The following CADPS variants were observed in gnomAD, a reference collection of about 807,000 sequenced individuals.
CADPS encodes calcium-dependent secretion activator 1.
Under a neutral mutation model 167.3 loss-of-function variants are expected in CADPS, and 57 were observed. The ratio of observed to expected loss-of-function variants is 0.34; its 90% confidence interval spans 0.28 to 0.42. The LOEUF (loss-of-function observed/expected upper bound fraction) is 0.42. Among genes scored for constraint, CADPS ranks in the 20% least tolerant of loss-of-function variants. The pLI, the probability that CADPS is intolerant of heterozygous loss-of-function variation, is 1.00. For missense variants in CADPS, 1,414 were observed against 1,738.1 expected (o/e 0.81, Z 3.32); for synonymous variants, 676 against 635.3 (o/e 1.06, Z -0.96).
intron 26 of CADPS, among the ~76,000 whole-genome samples, chr3:62,447,184 T>G (rs1267733443): frequency 6.6e-6 from 1 of 152,150 alleles, no homozygotes. Context: ...TTAGCCTTGG[T>G]TTCCAGATTT....
At chr3:62,654,462 A>G (rs1303487254) in intron 4 of CADPS, among the ~76,000 whole-genome samples, 1 of 152,170 alleles carries the variant, frequency 6.6e-6, no homozygotes, top group African/African-American at 2.4e-5. Context: ...GTTGGCTGAG[A>G]TAGGGCCACT....
chr3:62,438,730 T>TGTGTGTGA lies in CADPS; in HGVS notation c.3670-520_3670-519insTCACACAC, dbSNP rs1411632844. On this transcript the variant is annotated intron_variant, in intron 27 of 29. Transcript: ENST00000383710. This position sits in a 1 kb window ranked among gnomAD's most constrained non-coding sequence, Gnocchi z 4.7. ...CCAAGTCTCATTGTGTGTGTGTGTGTGTGTGTGTGTGTGTGTGTGTGTGTG... is the reference window on the plus strand; with the variant it reads ...CCAAGTCTCATTGTGTGTGTGTGTGTGTGTGTGAGTGTGTGTGTGTGTGTGTGTGTGTG... 1 of 153,218 alleles carries TGTGTGTGA rather than the reference T, an allele frequency of 6.5e-6. No individual in the cohort carries two copies. The highest frequency in any genetic ancestry group is 1.4e-5 in the Non-Finnish European group (1 of 69,772). The allele number at this position is 153,218 out of a possible 1,614,324, so 9.5% of individuals were successfully genotyped here.
chr3:62,552,919 C>T (rs1194435694), intron 10 of CADPS, among the ~76,000 whole-genome samples: 1 of 152,010 alleles, frequency 6.6e-6, no homozygotes, highest in Non-Finnish European at 1.5e-5. Flanking sequence ...GTGTAGTTAG[C>T]AAGCTGGGAA....
At chr3:62,500,569 G>A (rs2065589791) in intron 17 of CADPS, 2 of 152,176 alleles carry the variant, frequency 1.3e-5, no homozygotes, top group South Asian at 4.1e-4. Flanking sequence ...CTCAGAGTCA[G>A]AGCACATGGG....
Position 62,478,271 on chromosome 3 carries a change from A to T in CADPS, c.3319T>A (p.Cys1107Ser). 2 of 1,613,770 alleles carry T rather than the reference A, an allele frequency of 1.2e-6. No individual in the cohort carries two copies. Among genetic ancestry groups the T allele is most frequent in the Non-Finnish European group, 1.7e-6 (2 of 1,179,802 alleles). The change falls in exon 23 of 30, where the codon TGT becomes AGT. Residue 1107 changes from cysteine to serine, a missense_variant. Cys to Ser is a moderately radical substitution (Grantham distance 112, BLOSUM62 -1). Around this residue, in one of 6 missense-constraint regions of CADPS, gnomAD observed 529 missense variants for 629.6 expected, o/e 0.84. Coordinates refer to ENST00000383710, the MANE Select transcript of CADPS (RefSeq NM_003716.4). This position sits in a 1 kb window ranked among gnomAD's most constrained non-coding sequence, Gnocchi z 5.7. ...KLMASDMIES[C>S]VKRTRIAFEV... is the part of the protein sequence containing the mutation. ...GCCACCTATACTTACCTTTTGACAC[A>T]AGATTCGATCATGTCACTTGCCATC...
intron 3 of CADPS, among the ~76,000 whole-genome samples, chr3:62,706,805 G>A (rs1185003072): frequency 6.6e-6 from 1 of 152,032 alleles, no homozygotes; most frequent in Non-Finnish European, 1.5e-5. Flanking sequence ...GTTTACCTCT[G>A]AAAAGACAAT....
chr3:62,804,191 G>A (rs953400602), intron 1 of CADPS, among the ~76,000 whole-genome samples: 2 of 152,116 alleles, frequency 1.3e-5, no homozygotes, highest in African/African-American at 4.8e-5. Context: ...TGTCTGTACT[G>A]CTTAATTCAA....
chr3:62,567,016 C>T (rs2080345057), intron 9 of CADPS, among the ~76,000 whole-genome samples: 1 of 152,302 alleles, frequency 6.6e-6, no homozygotes, highest in South Asian at 2.1e-4. Flanking sequence ...GTGTGACTTT[C>T]ATCTTCTCTT....
chr3:62,523,965 C>T (rs901267666), intron 13 of CADPS, among the ~76,000 whole-genome samples: 1 of 152,144 alleles, frequency 6.6e-6, no homozygotes, highest in African/African-American at 2.4e-5. Flanking sequence ...ATTGTTCCAG[C>T]CCAGAAACAT....
chr3:62,653,490 C>G (rs1476113037), intron 4 of CADPS, among the ~76,000 whole-genome samples: 1 of 152,114 alleles, frequency 6.6e-6, no homozygotes, highest in Non-Finnish European at 1.5e-5. Context: ...GTTATAGCAG[C>G]CTGAATAGAC....
intron 1 of CADPS, among the ~76,000 whole-genome samples, chr3:62,830,950 G>C (rs2074966014): frequency 6.6e-6 from 1 of 152,116 alleles, no homozygotes; most frequent in African/African-American, 2.4e-5. Context: ...ATCTGCTGGG[G>C]AGGATTTATT....
At chr3:62,540,401 C>A (rs1014588279) in intron 11 of CADPS, among the ~76,000 whole-genome samples, 1 of 151,990 alleles carries the variant, frequency 6.6e-6, no homozygotes, top group Non-Finnish European at 1.5e-5. Flanking sequence ...TTTCCCCTGC[C>A]AGCTCTTAGA....
intron 3 of CADPS, among the ~76,000 whole-genome samples, chr3:62,682,816 T>C (rs2077365766): frequency 2.0e-5 from 3 of 152,028 alleles, no homozygotes; most frequent in African/African-American, 7.3e-5. Context: ...GAACTGATAA[T>C]CTAGGGAGGA....
chr3:62,790,015 G>T (rs943041492), intron 1 of CADPS, among the ~76,000 whole-genome samples: 17 of 151,706 alleles, frequency 1.1e-4, no homozygotes, highest in African/African-American at 3.9e-4. Flanking sequence ...TGTCTTTTAG[G>T]TACATGAATA....
chr3:62,611,110 T>G (rs2061442817), intron 6 of CADPS, among the ~76,000 whole-genome samples: 1 of 152,134 alleles, frequency 6.6e-6, no homozygotes, highest in Admixed American at 6.5e-5. Flanking sequence ...TGGTCAGCAC[T>G]GACCACCCCA....
intron 28 of CADPS, among the ~76,000 whole-genome samples, chr3:62,405,260 A>G (rs1015072630): frequency 2.0e-5 from 3 of 151,760 alleles, no homozygotes; most frequent in African/African-American, 4.8e-5. Context: ...CAAACCTACA[A>G]TTCCAGGGCC....
At chr3:62,575,129 A>C (rs833654) in intron 8 of CADPS, among the ~76,000 whole-genome samples, 143,701 of 152,152 alleles carry the variant, frequency 0.94, 67,986 homozygotes, top group East Asian at 1. Context: ...AGATTTGCAA[A>C]AACGAATATA....
At chr3:62,553,064 A>G (rs1006462117) in intron 10 of CADPS, among the ~76,000 whole-genome samples, 1 of 152,196 alleles carries the variant, frequency 6.6e-6, no homozygotes. Flanking sequence ...GAGCAGGTCA[A>G]TAGACCTGTA....
intron 1 of CADPS, among the ~76,000 whole-genome samples, chr3:62,858,856 A>G (rs1190862142): frequency 3.3e-5 from 5 of 152,196 alleles, no homozygotes; most frequent in Non-Finnish European, 7.3e-5. Flanking sequence ...TTAATTTGCA[A>G]ATAAAAAAAT....
Sources: gnomAD v4.1 joint callset for allele counts (sites outside exome capture counted in the v4.1 genomes callset) on GRCh38, gnomAD v4.1.1 for gene constraint, gnomAD v4.1.1 regional missense constraint, Gnocchi (gnomAD v3.1) non-coding constraint, MANE v1.5 for transcripts, NCBI Gene and HGNC (gene_info 2026-07-23, HGNC 2026-07-21) for gene names.